Variants in HHAT observed in about 807,000 individuals in gnomAD.
The protein encoded by HHAT is protein-cysteine N-palmitoyltransferase HHAT.
Under a neutral mutation model 70.8 loss-of-function variants are expected in HHAT, and 47 were observed. The ratio of observed to expected loss-of-function variants is 0.66; its 90% CI spans 0.53 to 0.85. HHAT has a LOEUF of 0.85. Ranked by LOEUF, HHAT falls within the 40% of genes least tolerant of loss-of-function variation. The pLI, the probability that HHAT is intolerant of heterozygous loss-of-function variation, is 0.00. For missense variants in HHAT, 609 were observed against 604.8 expected (o/e 1.01, Z -0.07); for synonymous variants, 228 against 247.6 (o/e 0.92, Z 0.74).
intron 8 of HHAT, among the ~76,000 whole-genome samples, chr1:210,477,873 G>A (rs1049608402): frequency 3.9e-5 from 6 of 152,114 alleles, no homozygotes; most frequent in Non-Finnish European, 8.8e-5. Context: ...TGGTAATGGG[G>A]GCAGTAGCTC....
intron 1 of HHAT, among the ~76,000 whole-genome samples, chr1:210,331,159 A>T (rs982793701): frequency 6.6e-6 from 1 of 152,068 alleles, no homozygotes; most frequent in Non-Finnish European, 1.5e-5. Context: ...TATTTCTATT[A>T]TTATTACATT....
At chr1:210,570,500 G>A (rs1655998266) in intron 9 of HHAT, among the ~76,000 whole-genome samples, 1 of 152,178 alleles carries the variant, frequency 6.6e-6, no homozygotes, top group African/African-American at 2.4e-5. Context: ...AGAACACGGA[G>A]GACTCTGCAG....
chr1:210,340,882 T>A (rs112959124), intron 1 of HHAT, among the ~76,000 whole-genome samples: 273 of 152,158 alleles, frequency 1.8e-3, no homozygotes, highest in African/African-American at 6.2e-3. Context: ...GGCTCTGGAG[T>A]TAGACTTACT....
At chr1:210,554,733 A>G (rs1386143576) in intron 9 of HHAT, among the ~76,000 whole-genome samples, 1 of 152,188 alleles carries the variant, frequency 6.6e-6, no homozygotes, top group Non-Finnish European at 1.5e-5. Context: ...ATGTGGCACC[A>G]TCTAGTCTTT....
intron 3 of HHAT, among the ~76,000 whole-genome samples, chr1:210,368,315 T>C (rs922919956): frequency 6.6e-6 from 1 of 152,122 alleles, no homozygotes; most frequent in African/African-American, 2.4e-5. Context: ...TTTAAAAAAA[T>C]GTATGTATTT....
intron 10 of HHAT, among the ~76,000 whole-genome samples, chr1:210,591,019 G>A (rs778106373): frequency 6.6e-6 from 1 of 152,102 alleles, no homozygotes; most frequent in South Asian, 2.1e-4. Context: ...TCACATGGGG[G>A]TAAATGGGGT....
intron 6 of HHAT, among the ~76,000 whole-genome samples, chr1:210,406,394 T>C (rs2092331119): frequency 7.5e-6 from 1 of 133,292 alleles, no homozygotes; most frequent in Non-Finnish European, 1.6e-5. Context: ...TCATCTCCTT[T>C]TTCTTCTTTT....
At chr1:210,443,384 A>G (rs977126178) in intron 7 of HHAT, among the ~76,000 whole-genome samples, 61 of 149,832 alleles carry the variant, frequency 4.1e-4, no homozygotes, top group Non-Finnish European at 3.8e-4. Flanking sequence ...CTGTGAGGAA[A>G]GTCATTGGTA....
chr1:210,577,861 G>A (rs893662649), intron 9 of HHAT, among the ~76,000 whole-genome samples: 12 of 151,896 alleles, frequency 7.9e-5, no homozygotes, highest in Admixed American at 3.9e-4. Context: ...GGCCAGGCTG[G>A]TCTTGAACTC....
intron 8 of HHAT, among the ~76,000 whole-genome samples, chr1:210,489,865 A>G (rs2094525255): frequency 6.6e-6 from 1 of 152,208 alleles, no homozygotes; most frequent in Admixed American, 6.5e-5. Flanking sequence ...TGCATCCCCC[A>G]CAGCCCACAG....
chr1:210,462,833 C>A (rs953037808), intron 7 of HHAT: 1 of 152,246 alleles, frequency 6.6e-6, no homozygotes, highest in African/African-American at 2.4e-5. Flanking sequence ...TGGTGACATT[C>A]TTTCAAAGAT....
intron 9 of HHAT, among the ~76,000 whole-genome samples, chr1:210,561,034 A>G (rs1297818986): frequency 9.9e-5 from 15 of 152,194 alleles, no homozygotes; most frequent in East Asian, 1.9e-4. Flanking sequence ...GAAGAGGAAG[A>G]TGTGGTGAAA....
rs1342123521 is a variant in HHAT at position 210,334,177 on chromosome 1, C to CTTTTTTTTTTTTTT, written c.-44+5073_-44+5074insTTTTTTTTTTTTTT. Among the ~76,000 whole-genome samples the CTTTTTTTTTTTTTT allele has an allele frequency of 1.2e-3, 43 of 34,542 alleles. 1 individual carries two copies. Among genetic ancestry groups the CTTTTTTTTTTTTTT allele is most frequent in the Non-Finnish European group, 1.7e-3 (32 of 18,958 alleles). 22.7% of individuals were successfully genotyped at this position (34,542 alleles called of 152,430 possible). A position where few individuals can be genotyped will look rare whatever the true frequency, so the allele number is the denominator to read the frequency against. On this transcript the variant is annotated intron_variant, in intron 1 of 11. Transcript: ENST00000261458. ...GTACTTGCTGGCCACTTTAGCGTGT[C>CTTTTTTTTTTTTTT]ATTTTTTTTTTTTTTTTTTTTGAGA...
intron 10 of HHAT, among the ~76,000 whole-genome samples, chr1:210,607,244 AAT>A: frequency 6.6e-6 from 1 of 151,930 alleles, no homozygotes; most frequent in Non-Finnish European, 1.5e-5. Context: ...CTAATTCTTT[AAT>A]CTGCTCTATC....
chr1:210,655,309 A>C (rs1007525582), intron 11 of HHAT, among the ~76,000 whole-genome samples: 4 of 152,202 alleles, frequency 2.6e-5, no homozygotes, highest in Non-Finnish European at 5.9e-5. Context: ...GCAATCACTG[A>C]GATCCTGGCT....
intron 7 of HHAT, 139 bp downstream of exon 7, chr1:210,418,464 C>G (rs1392884768): frequency 1.4e-6 from 1 of 718,780 alleles, no homozygotes; most frequent in Non-Finnish European, 2.2e-6. Context: ...TAACCTACTC[C>G]TCTTGTGGCC....
intron 3 of HHAT, among the ~76,000 whole-genome samples, chr1:210,386,003 C>T (rs2091013587): frequency 6.6e-6 from 1 of 152,120 alleles, no homozygotes; most frequent in African/African-American, 2.4e-5. Context: ...AGCTACCTTG[C>T]ACTCATAGTC....
intron 10 of HHAT, among the ~76,000 whole-genome samples, chr1:210,609,777 C>A (rs577164695): frequency 3.3e-5 from 5 of 152,290 alleles, no homozygotes; most frequent in Non-Finnish European, 7.4e-5. Flanking sequence ...GTTTTCTGTT[C>A]CTGCATTAGT....
At chr1:210,571,616 A>G (rs1364946333) in intron 9 of HHAT, among the ~76,000 whole-genome samples, 3 of 151,906 alleles carry the variant, frequency 2.0e-5, no homozygotes, top group African/African-American at 4.8e-5. Flanking sequence ...CAAGCTCAGT[A>G]CTCTTCGAGC....
Sources: gnomAD v4.1 joint callset for allele counts (sites outside exome capture counted in the v4.1 genomes callset) on GRCh38, gnomAD v4.1.1 for gene constraint, MANE v1.5 for transcripts, NCBI Gene and HGNC (gene_info 2026-07-23, HGNC 2026-07-21) for gene names.